The following MYBPC2 variants were observed in gnomAD, a reference collection of about 807,000 sequenced individuals.
The protein encoded by MYBPC2 is myosin binding protein C2, also known as myosin-binding protein C, fast-type.
A neutral mutation model predicts 137.0 loss-of-function variants in MYBPC2; 122 were observed. The ratio of observed to expected loss-of-function variants is 0.89; its 90% confidence interval spans 0.77 to 1.03. The LOEUF (loss-of-function observed/expected upper bound fraction) is 1.03. Among genes scored for constraint, MYBPC2 ranks in the 50% least tolerant of loss-of-function variants. The pLI is 0.00. For missense variants in MYBPC2, 1,500 were observed against 1,534.4 expected, an observed-to-expected ratio of 0.98 and a Z score of 0.37; for synonymous variants, 626 against 612.3, an observed-to-expected ratio of 1.02 and a Z score of -0.33.
In MYBPC2 at chr19:50,458,925, C is replaced by G; in HGVS notation, c.2514C>G (p.Pro838=). 1.2e-6 allele frequency: 2 copies of G among 1,611,624 alleles called. No individual in the cohort carries two copies. Among genetic ancestry groups the G allele is most frequent in the Non-Finnish European group, 1.7e-6 (2 of 1,179,146 alleles). The part of the protein sequence containing the change: ...PVTIREIAEP[P]KIRLPRHLRQ... ...CTGTGTTTGCGCCCTCAGAGCCACCCAAGATCCGGCTTCCCCGCCATCTCC... is the reference window on the plus strand; with the variant it reads ...CTGTGTTTGCGCCCTCAGAGCCACCGAAGATCCGGCTTCCCCGCCATCTCC... Residue 838 remains proline (P), a synonymous_variant, in exon 22 of 28, where the codon CCC becomes CCG. Transcript: ENST00000357701.
rs577238402 is a variant in MYBPC2, at chr19:50,432,990, T to A, written c.19+18T>A. 6.3e-7 allele frequency: 1 copy of A among 1,591,214 alleles called. No homozygotes were observed. Among genetic ancestry groups the A allele is most frequent in the Non-Finnish European group, 8.5e-7 (1 of 1,170,988 alleles). On this transcript the variant is annotated intron_variant, in intron 1 of 27. Transcript: ENST00000357701. The surrounding 1 kb of genome is among the most constrained non-coding windows in gnomAD (Gnocchi z 5.5). ...AAAACCAGGTGGCGCCAGGACCCCC[T>A]CCCTGTGTGGGGATGGGGCTCTTCT...
rs1265329278 is a variant in MYBPC2 at position 50,451,952 on chromosome 19, G to A, written c.1698G>A (p.Val566=). 6.4e-7 allele frequency: 1 copy of A among 1,560,840 alleles called. No homozygotes were observed. Among genetic ancestry groups the A allele is most frequent in the South Asian group, 1.2e-5 (1 of 84,578 alleles). The change falls in exon 16 of 28, where the codon GTG becomes GTA. Residue 566 remains valine (V), a synonymous_variant. Transcript: ENST00000357701. ...CTGGAAACAAGCTGAGGCTTGACGT[G>A]TCCATCACAGGGGAGCCCCCTCCCG... The part of the protein sequence containing the change: ...VVAGNKLRLD[V]SITGEPPPVA...
Position 50,455,536 on chromosome 19 carries a change from A to C in MYBPC2, c.2230A>C (p.Ile744Leu). The change falls in exon 20 of 28, where the codon ATA becomes CTA. Residue 744 changes from isoleucine (I) to leucine (L), a missense_variant. Coordinates refer to ENST00000357701, the MANE Select transcript of MYBPC2 (RefSeq NM_004533.4). ...ACCCACGAGTGAACCCCTGCACCTG[A>C]TAGTGGAGGATGTGACAGACACCAC... ...IAPTSEPLHL[I>L]VEDVTDTTTT... 1 of 1,613,716 alleles carries C rather than the reference A, an allele frequency of 6.2e-7. No homozygotes were observed. The highest frequency in any genetic ancestry group is 1.6e-4 in the Middle Eastern group (1 of 6,062).
intron 8 of MYBPC2, among the ~76,000 whole-genome samples, chr19:50,441,549 C>T (rs2039755549): frequency 6.6e-6 from 1 of 152,182 alleles, no homozygotes; most frequent in African/African-American, 2.4e-5. Context: ...CTCAATAAAG[C>T]TGTTTTCAGG....
chr19:50,456,377 TATCCATCC>T (rs55969422), intron 20 of MYBPC2, among the ~76,000 whole-genome samples: 7 of 139,890 alleles, frequency 5.0e-5, no homozygotes, highest in East Asian at 2.1e-4. Context: ...TCCATCCATC[TATCCATCC>T]ATCCATCCAT....
In MYBPC2 at chr19:50,435,940, G is replaced by T; in HGVS notation, c.197-72G>T. ...GGAGGAGGGGCCAGGGTCTCGTTCT[G>T]TCTCCCTCTGGAGAGCCTTATGTTC... On this transcript the variant is annotated intron_variant, in intron 3 of 27. Transcript: ENST00000357701. This position sits in a 1 kb window ranked among gnomAD's most constrained non-coding sequence, Gnocchi z 4.8. The T allele has an allele frequency of 1.3e-6, 2 of 1,549,190 alleles. No individual in the cohort carries two copies. The highest frequency in any genetic ancestry group is 1.7e-6 in the Non-Finnish European group (2 of 1,144,272).
chr19:50,448,610 C>G (rs1401173229), intron 13 of MYBPC2, among the ~76,000 whole-genome samples: 1 of 151,308 alleles, frequency 6.6e-6, no homozygotes, highest in African/African-American at 2.4e-5. Flanking sequence ...CTGGGATGCA[C>G]CACCACGCCT....
In MYBPC2 at chr19:50,454,121, C is replaced by G; in HGVS notation, c.1851C>G (p.Thr617=). The G allele has an allele frequency of 6.2e-7, 1 of 1,613,374 alleles. No homozygotes were observed. The highest frequency in any genetic ancestry group is 8.5e-7 in the Non-Finnish European group (1 of 1,179,672). The change falls in exon 17 of 28, where the codon ACC becomes ACG. Residue 617 remains threonine (T), a synonymous_variant. Transcript: ENST00000357701. ...AGCGGGAAGACGAGGGCCGCTACAC[C>G]ATCAAGGTCACCAACCCCGTCGGCG... is the stretch of plus-strand genomic sequence containing the variant. The part of the protein sequence containing the change: ...SAQREDEGRY[T]IKVTNPVGED...
At chr19:50,434,851 C>G (rs2039687109) in intron 1 of MYBPC2, among the ~76,000 whole-genome samples, 1 of 152,186 alleles carries the variant, frequency 6.6e-6, no homozygotes, top group Non-Finnish European at 1.5e-5. Context: ...TAATTATACC[C>G]TCGGACCCAA....
intron 20 of MYBPC2, among the ~76,000 whole-genome samples, chr19:50,456,402 ATCTG>A (rs1213216677): frequency 9.9e-6 from 1 of 100,792 alleles, no homozygotes; most frequent in Non-Finnish European, 2.0e-5. Context: ...CCATCCATCC[ATCTG>A]TCCATATTTC....
chr19:50,446,215 T>A (rs901753166), intron 12 of MYBPC2, among the ~76,000 whole-genome samples, 163 bp downstream of exon 12: 3 of 152,116 alleles, frequency 2.0e-5, no homozygotes, highest in African/African-American at 7.2e-5. Context: ...AGCTTCAAAG[T>A]AAATTTTGGA....
chr19:50,439,595 C>T (rs903430218), intron 7 of MYBPC2, among the ~76,000 whole-genome samples: 7 of 140,246 alleles, frequency 5.0e-5, no homozygotes, highest in African/African-American at 1.0e-4. Context: ...TGAGGCCTCC[C>T]GTCTACTAGG....
intron 20 of MYBPC2, among the ~76,000 whole-genome samples, chr19:50,456,548 A>C (rs1259112930): frequency 6.7e-6 from 1 of 150,012 alleles, no homozygotes; most frequent in Non-Finnish European, 1.5e-5. Flanking sequence ...CTCCTGCCTC[A>C]GCCTCCCAAG....
At position 50,460,102 on chromosome 19, in the gene MYBPC2, G is replaced by C. The variant is rs779157372; in HGVS notation, c.2854G>C (p.Glu952Gln). The change falls in exon 24 of 28, where the codon GAG becomes CAG. Residue 952 changes from glutamate to glutamine, a missense_variant. Transcript: ENST00000357701. ...GGTGTGGGGCACGAACGCGCTGGTG[G>C]AGTGGCAGGCCCCCAAAGATGATGG... ...KEVWGTNALV[E>Q]WQAPKDDGNS... The C allele has an allele frequency of 1.3e-6, 2 of 1,578,888 alleles. No individual in the cohort carries two copies. The highest frequency in any genetic ancestry group is 4.7e-5 in the East Asian group (2 of 42,796).
At position 50,443,601 on chromosome 19, in the gene MYBPC2, C is replaced by T; in HGVS notation, c.1010C>T (p.Thr337Ile). The T allele has an allele frequency of 6.2e-7, 1 of 1,613,530 alleles. No individual in the cohort carries two copies. The highest frequency in any genetic ancestry group is 8.5e-7 in the Non-Finnish European group (1 of 1,179,632). The change falls in exon 10 of 28, where the codon ACC (threonine) becomes ATC (isoleucine). Residue 337 changes from threonine (T) to isoleucine (I), a missense_variant. Transcript: ENST00000357701. ...GCTGTCAAGGATGAGAAGTGTTTCA[C>T]CGAGCTCTTCGTCAAAGGTGAGGCT... ...EVAVKDEKCFTELFVKEPPVL... is the reference protein window; with the variant it reads ...EVAVKDEKCFIELFVKEPPVL...
At position 50,464,439 on chromosome 19, in the gene MYBPC2, C is replaced by T. The variant is rs372640580; in HGVS notation, c.3322C>T (p.Arg1108Cys). Residue 1108 changes from arginine (R) to cysteine (C), a missense_variant, in exon 27 of 28, where the codon CGT becomes TGT. Arg to Cys is a radical substitution (Grantham distance 180). Coordinates refer to ENST00000357701, the MANE Select transcript of MYBPC2 (RefSeq NM_004533.4). ...CCAAGGAGTCCTGACGCTGAACATC[C>T]GTCGCCCCTCGCCCTTCGACGCTGG... ...NYQGVLTLNI[R>C]RPSPFDAGTY... 1.4e-5 allele frequency: 23 copies of T among 1,611,606 alleles called. No homozygotes were observed. The highest frequency in any genetic ancestry group is 1.7e-4 in the Middle Eastern group (1 of 6,060).
chr19:50,460,961 G>A (rs1004130241), intron 24 of MYBPC2, among the ~76,000 whole-genome samples: 1 of 151,048 alleles, frequency 6.6e-6, no homozygotes, highest in Non-Finnish European at 1.5e-5. Context: ...AAAGTGTTGG[G>A]ATTACAGGCA....
At chr19:50,433,109 G>C (rs2039671864) in intron 1 of MYBPC2, 137 bp downstream of exon 1, 1 of 1,137,196 alleles carries the variant, frequency 8.8e-7, no homozygotes. Flanking sequence ...TGCTGTGCGG[G>C]ATGGGGGTTC....
intron 21 of MYBPC2, 73 bp from the exon 22 acceptor site, chr19:50,458,845 G>A: frequency 2.5e-6 from 4 of 1,595,408 alleles, no homozygotes; most frequent in South Asian, 2.2e-5. Flanking sequence ...TCCCCAGAGA[G>A]CCTTATCACC....
Sources: allele counts gnomAD v4.1 joint callset (sites outside exome capture counted in the v4.1 genomes callset), GRCh38; gene constraint gnomAD v4.1.1; non-coding constraint Gnocchi (gnomAD v3.1); transcripts MANE v1.5; gene names NCBI Gene and HGNC (gene_info 2026-07-23, HGNC 2026-07-21).